The following ETV5 variants were observed in gnomAD, a reference collection of about 807,000 sequenced individuals.
The protein encoded by ETV5 is ETS variant transcription factor 5.
ETV5 carries 10 observed loss-of-function variants against 70.0 expected under a neutral mutation model. The ratio of observed to expected loss-of-function variants is 0.14; its 90% CI spans 0.09 to 0.24. The LOEUF (loss-of-function observed/expected upper bound fraction) is 0.24. ETV5 is among the 10% of genes least tolerant of loss of function. The pLI is 1.00. For synonymous variants in ETV5, 216 were observed against 242.2 expected (o/e 0.89, Z 1.01); for missense variants, 453 against 651.2 (o/e 0.70, Z 3.31).
chr3:186,103,376 AAC>A (rs577313276), intron 5 of ETV5, among the ~76,000 whole-genome samples: 93 of 152,354 alleles, frequency 6.1e-4, no homozygotes, highest in African/African-American at 2.1e-3. Flanking sequence ...GCTGACAAAG[AAC>A]ATACCCTTGC....
chr3:186,051,332 G>GCAA (rs1713024802), intron 12 of ETV5, among the ~76,000 whole-genome samples: 1 of 152,210 alleles, frequency 6.6e-6, no homozygotes, highest in South Asian at 2.1e-4. Flanking sequence ...TAGTATCTGG[G>GCAA]CAACAGTACA....
At chr3:186,087,450 C>T (rs1714085246) in intron 5 of ETV5, among the ~76,000 whole-genome samples, 1 of 152,118 alleles carries the variant, frequency 6.6e-6, no homozygotes, top group East Asian at 1.9e-4. Context: ...TGCAGCTGTA[C>T]TCTTGTGATT....
intron 7 of ETV5, among the ~76,000 whole-genome samples, chr3:186,074,859 C>CAAAAAAA (rs747453303): frequency 2.4e-4 from 18 of 76,420 alleles, no homozygotes; most frequent in African/African-American, 6.6e-4. Flanking sequence ...ACTCTGTCTC[C>CAAAAAAA]AAAAAAAAAA....
In ETV5 at chr3:186,052,081, G is replaced by A; in HGVS notation, c.1260C>T (p.Asp420=). Residue 420 remains aspartate, a synonymous_variant, in exon 12 of 13, where the codon GAC becomes GAT. Coordinates refer to ENST00000306376, the MANE Select transcript of ETV5 (RefSeq NM_004454.3). The surrounding 1 kb of genome is among the most constrained non-coding windows in gnomAD (Gnocchi z 4.5). ...IQKNRPAMNY[D]KLSRSLRYYY... The stretch of plus-strand genomic sequence containing the variant: ...AATAGCGGAGAGAGCGGCTCAGCTT[G>A]TCATAGTTCATGGCTGGCCGGTTCT... The A allele has an allele frequency of 1.2e-6, 2 of 1,613,956 alleles. No homozygotes were observed. The highest frequency in any genetic ancestry group is 8.5e-7 in the Non-Finnish European group (1 of 1,179,914).
Position 186,105,729 on chromosome 3 carries a change from GAAA to G in ETV5, c.46-20_46-18del, listed in dbSNP as rs1350184895. On this transcript the variant is annotated intron_variant, in intron 2 of 12. Coordinates refer to ENST00000306376, the MANE Select transcript of ETV5 (RefSeq NM_004454.3). This position sits in a 1 kb window ranked among gnomAD's most constrained non-coding sequence, Gnocchi z 4.5. ...TCGAGATTTCTGAAAGAGGCCAACA[GAAA>G]GTGAAGGCTCAAGTGTAGTAAAGAG... 6.2e-7 allele frequency: 1 copy of G among 1,614,060 alleles called. No individual in the cohort carries two copies. Among genetic ancestry groups the G allele is most frequent in the Non-Finnish European group, 8.5e-7 (1 of 1,179,932 alleles).
chr3:186,071,855 T>C (rs553868304), intron 7 of ETV5, among the ~76,000 whole-genome samples: 2 of 151,684 alleles, frequency 1.3e-5, no homozygotes, highest in African/African-American at 4.8e-5. Context: ...TGGAGTTCAG[T>C]GGCGCGATCT....
chr3:186,098,271 A>T (rs1291802297), intron 5 of ETV5, among the ~76,000 whole-genome samples: 1 of 152,200 alleles, frequency 6.6e-6, no homozygotes, highest in Non-Finnish European at 1.5e-5. Context: ...ACCAGCGGAG[A>T]GAAACAGACT....
rs1039446124 is a variant in ETV5, at chr3:186,080,232, C to T, written c.363-128G>A. ...AATAACAGCATTAACATAGTTAAAT[C>T]GCTCGTAGCCCCGAGGGGATATTTG... On this transcript the variant is annotated intron_variant, in intron 6 of 12. Transcript: ENST00000306376. 14 of 671,812 alleles carry T rather than the reference C, an allele frequency of 2.1e-5. No homozygotes were observed. The East Asian group carries it at 4.1e-4, about 20-fold the overall frequency. The allele number at this position is 671,812 out of a possible 1,614,324, so 41.6% of individuals were successfully genotyped here.
intron 5 of ETV5, among the ~76,000 whole-genome samples, chr3:186,097,935 C>A (rs1404572925): frequency 6.6e-6 from 1 of 152,202 alleles, no homozygotes; most frequent in African/African-American, 2.4e-5. Flanking sequence ...CCATTCACAA[C>A]CAATTTGGAA....
chr3:186,100,979 G>A (rs982707890), intron 5 of ETV5, among the ~76,000 whole-genome samples: 1 of 152,134 alleles, frequency 6.6e-6, no homozygotes, highest in African/African-American at 2.4e-5. Flanking sequence ...TAAGTACCCA[G>A]TCAGTTCAGA....
chr3:186,101,662 A>G (rs1714461631), intron 5 of ETV5, among the ~76,000 whole-genome samples: 1 of 152,184 alleles, frequency 6.6e-6, no homozygotes, highest in Non-Finnish European at 1.5e-5. Flanking sequence ...ACACTTGAAT[A>G]TGCCACTACT....
At chr3:186,059,253 C>T (rs1379198778) in intron 9 of ETV5, among the ~76,000 whole-genome samples, 1 of 152,068 alleles carries the variant, frequency 6.6e-6, no homozygotes, top group Non-Finnish European at 1.5e-5. Flanking sequence ...AGCATTAGTT[C>T]TCTGTTGCTT....
chr3:186,091,717 A>G (rs577877382), intron 5 of ETV5, among the ~76,000 whole-genome samples: 1 of 152,370 alleles, frequency 6.6e-6, no homozygotes. Context: ...TAATACAATC[A>G]GCTCAAAATA....
chr3:186,052,165 C>T lies in ETV5; in HGVS notation c.1210-34G>A, dbSNP rs202230430. On this transcript the variant is annotated intron_variant, in intron 11 of 12. Transcript: ENST00000306376. This position sits in a 1 kb window ranked among gnomAD's most constrained non-coding sequence, Gnocchi z 4.5. ...ACAGGAAAGTGAAGAGCAATGGAAACGCATTCCCTGGGCCCCATGTTCTCT... is the reference window on the plus strand; with the variant it reads ...ACAGGAAAGTGAAGAGCAATGGAAATGCATTCCCTGGGCCCCATGTTCTCT... 541 of 1,598,362 alleles carry T rather than the reference C, an allele frequency of 3.4e-4. 1 individual carries two copies. In the African/African-American group the frequency reaches 4.6e-3, roughly 13 times the overall value.
chr3:186,048,590 G>A lies in ETV5; in HGVS notation c.*49C>T, dbSNP rs1560043249. ...ACAAAACCACTGCCCTTGTTTGCCTGAATGGGAACTGCTAGCTCTAGGGTT... is the reference window on the plus strand; with the variant it reads ...ACAAAACCACTGCCCTTGTTTGCCTAAATGGGAACTGCTAGCTCTAGGGTT... On this transcript the variant is annotated 3_prime_UTR_variant, in exon 13 of 13. Coordinates refer to ENST00000306376, the MANE Select transcript of ETV5 (RefSeq NM_004454.3). The A allele has an allele frequency of 1.3e-6, 2 of 1,537,664 alleles. No individual in the cohort carries two copies. Among genetic ancestry groups the A allele is most frequent in the African/African-American group, 1.4e-5 (1 of 73,378 alleles).
At chr3:186,092,600 A>ATT (rs902377153) in intron 5 of ETV5, among the ~76,000 whole-genome samples, 1 of 142,262 alleles carries the variant, frequency 7.0e-6, no homozygotes, top group Non-Finnish European at 1.5e-5. Context: ...ACGCAGCTAC[A>ATT]TTTTTTTTTT....
intron 7 of ETV5, among the ~76,000 whole-genome samples, chr3:186,068,199 A>C: frequency 6.6e-6 from 1 of 152,226 alleles, no homozygotes; most frequent in East Asian, 1.9e-4. Context: ...AACTGGCTAT[A>C]TATATTATGA....
At chr3:186,097,491 G>A (rs528806649) in intron 5 of ETV5, among the ~76,000 whole-genome samples, 16 of 152,274 alleles carry the variant, frequency 1.1e-4, no homozygotes, top group African/African-American at 3.9e-4. Flanking sequence ...CCCACGGGAA[G>A]GAGATAAAAG....
At chr3:186,100,604 T>C (rs1176854414) in intron 5 of ETV5, among the ~76,000 whole-genome samples, 1 of 152,260 alleles carries the variant, frequency 6.6e-6, no homozygotes, top group African/African-American at 2.4e-5. Context: ...TCTATTGCAA[T>C]GTATTTATGA....
Sources: allele counts gnomAD v4.1 joint callset (sites outside exome capture counted in the v4.1 genomes callset), GRCh38; gene constraint gnomAD v4.1.1; non-coding constraint Gnocchi (gnomAD v3.1); transcripts MANE v1.5; gene names NCBI Gene and HGNC (gene_info 2026-07-23, HGNC 2026-07-21).